The following NTN1 variants were observed in gnomAD, a reference collection of about 807,000 sequenced individuals.
NTN1 encodes the protein netrin-1.
A neutral mutation model predicts 54.2 loss-of-function variants in NTN1; 11 were observed. That is an observed-to-expected ratio of 0.20 (90% confidence interval 0.13 to 0.34). The LOEUF (loss-of-function observed/expected upper bound fraction) is 0.34, where lower values mean the gene tolerates loss of function less well. Ranked by LOEUF, NTN1 falls within the 10% of genes least tolerant of loss-of-function variation. The pLI, the probability that NTN1 is intolerant of heterozygous loss-of-function variation, is 1.00. For missense variants in NTN1, 740 were observed against 893.1 expected (o/e 0.83, Z 2.18); for synonymous variants, 371 against 382.0 (o/e 0.97, Z 0.33).
intron 6 of NTN1, among the ~76,000 whole-genome samples, chr17:9,227,962 T>C (rs1377185601): frequency 2.0e-5 from 3 of 152,032 alleles, no homozygotes. Context: ...ATCACAGCAC[T>C]GCACATCCCG....
chr17:9,152,290 C>T (rs1355048061), intron 2 of NTN1, among the ~76,000 whole-genome samples: 4 of 152,184 alleles, frequency 2.6e-5, no homozygotes, highest in Non-Finnish European at 5.9e-5. Flanking sequence ...TGCTAAATCC[C>T]CCTGCTGTGC....
rs142562615 is a variant in NTN1 at position 9,135,668 on chromosome 17, T to TA, written c.1019-27144dup. Among the ~76,000 whole-genome samples the TA allele has an allele frequency of 5.1e-3, 776 of 152,322 alleles. 3 individuals are homozygous for TA. Among genetic ancestry groups the TA allele is most frequent in the Middle Eastern group, 0.01 (3 of 294 alleles). On this transcript the variant is annotated intron_variant, in intron 2 of 6. Coordinates refer to ENST00000173229, the MANE Select transcript of NTN1 (RefSeq NM_004822.3). This position sits in a 1 kb window ranked among gnomAD's most constrained non-coding sequence, Gnocchi z 4.4. ...GCTTTTTCTGTAGAGACTGGACTCTTACTTCTTCTAAGCTGTTGTCTCATC... is the reference window on the plus strand; with the variant it reads ...GCTTTTTCTGTAGAGACTGGACTCTTAACTTCTTCTAAGCTGTTGTCTCATC...
intron 3 of NTN1, among the ~76,000 whole-genome samples, chr17:9,170,784 T>C (rs12603806): frequency 0.15 from 22,281 of 151,946 alleles, 1,884 homozygotes; most frequent in East Asian, 0.18. Context: ...GCCTCACCTG[T>C]GGCACAGACA....
chr17:9,075,635 G>A (rs2092046867), intron 2 of NTN1, among the ~76,000 whole-genome samples: 1 of 152,238 alleles, frequency 6.6e-6, no homozygotes, highest in African/African-American at 2.4e-5. Context: ...GCCTCTCCAA[G>A]CTCATCGTCA....
intron 2 of NTN1, among the ~76,000 whole-genome samples, chr17:9,138,979 C>G (rs1052240190): frequency 3.9e-5 from 6 of 152,166 alleles, no homozygotes; most frequent in Admixed American, 6.5e-5. Context: ...CACCTAAGAC[C>G]ATTTTCCAGT....
intron 2 of NTN1, among the ~76,000 whole-genome samples, chr17:9,076,935 G>A (rs963125009): frequency 2.0e-5 from 3 of 152,188 alleles, no homozygotes; most frequent in African/African-American, 4.8e-5. Flanking sequence ...CTTGCTAGAC[G>A]GGTTCCCCTG....
intron 2 of NTN1, among the ~76,000 whole-genome samples, chr17:9,152,827 C>T (rs185269649): frequency 6.6e-6 from 1 of 152,286 alleles, no homozygotes; most frequent in East Asian, 1.9e-4. Flanking sequence ...TTCAGAGGGG[C>T]CAAGTGGGCT....
chr17:9,021,513 C>T lies in NTN1; in HGVS notation c.-136C>T, dbSNP rs1360528525. On this transcript the variant is annotated 5_prime_UTR_variant, in exon 1 of 7. Transcript: ENST00000173229. Reference sequence around the variant, plus strand: ...CCCGCGCTCCCCTCCGCCCCTCACTCCCAGCGCGAGTGGCGGCGGCGGCGG... The same window carrying T: ...CCCGCGCTCCCCTCCGCCCCTCACTTCCAGCGCGAGTGGCGGCGGCGGCGG... 5.3e-5 allele frequency: 8 copies of T among 152,192 alleles called. No individual in the cohort carries two copies. The East Asian group carries it at 1.4e-3, about 26-fold the overall frequency. The allele number at this position is 152,192 out of a possible 1,614,324, so 9.4% of individuals were successfully genotyped here. A position where few individuals can be genotyped will look rare whatever the true frequency, so the allele number is the denominator to read the frequency against.
chr17:9,036,524 G>T (rs1028891858), intron 2 of NTN1, among the ~76,000 whole-genome samples: 2 of 151,184 alleles, frequency 1.3e-5, no homozygotes, highest in Non-Finnish European at 2.9e-5. Context: ...GCCTCTCAGA[G>T]TGCTTAGATT....
At chr17:9,104,594 C>G (rs989931831) in intron 2 of NTN1, among the ~76,000 whole-genome samples, 12 of 152,156 alleles carry the variant, frequency 7.9e-5, no homozygotes, top group African/African-American at 2.9e-4. Flanking sequence ...ATAGGGTCAG[C>G]CCTGCTGGGC....
chr17:9,101,046 A>G (rs1401245669), intron 2 of NTN1, among the ~76,000 whole-genome samples: 1 of 152,054 alleles, frequency 6.6e-6, no homozygotes, highest in African/African-American at 2.4e-5. Flanking sequence ...GTATCACCCG[A>G]CATTTTCTCT....
chr17:9,192,601 C>T lies in NTN1; in HGVS notation c.1411+9632C>T, dbSNP rs1383781889. Reference sequence around the variant, plus strand: ...ATCTTGTGTTACGCAGGACAGCTCACGCAACAGAGAAGTACCTGGCCCCAA... The same window carrying T: ...ATCTTGTGTTACGCAGGACAGCTCATGCAACAGAGAAGTACCTGGCCCCAA... On this transcript the variant is annotated intron_variant, in intron 5 of 6. Transcript: ENST00000173229. 5.4e-4 allele frequency among the ~76,000 whole-genome samples: 82 copies of T among 152,078 alleles called. 2 individuals are homozygous for T. Among genetic ancestry groups the T allele is most frequent in the Admixed American group, 5.3e-3 (81 of 15,274 alleles).
At chr17:9,080,702 G>C (rs969941467) in intron 2 of NTN1, among the ~76,000 whole-genome samples, 2 of 152,148 alleles carry the variant, frequency 1.3e-5, no homozygotes, top group East Asian at 3.9e-4. Flanking sequence ...CCCCACCTCC[G>C]GTGAAGCAAG....
At chr17:9,024,511 C>A (rs1265491818) in intron 2 of NTN1, among the ~76,000 whole-genome samples, 2 of 152,182 alleles carry the variant, frequency 1.3e-5, no homozygotes, top group African/African-American at 2.4e-5. Context: ...ATTGCTTTGC[C>A]CCTCTTAGGC....
chr17:9,234,194 C>T (rs1022863135), intron 6 of NTN1, among the ~76,000 whole-genome samples: 2 of 152,202 alleles, frequency 1.3e-5, no homozygotes. Flanking sequence ...GCAAGGGAAG[C>T]CAGTCCTCTT....
chr17:9,134,199 G>T (rs1431190163), intron 2 of NTN1, among the ~76,000 whole-genome samples: 1 of 152,082 alleles, frequency 6.6e-6, no homozygotes, highest in Non-Finnish European at 1.5e-5. Flanking sequence ...CACCACACCT[G>T]GCCCTCATTG....
chr17:9,126,519 AAGAG>A (rs139048465), intron 2 of NTN1, among the ~76,000 whole-genome samples: 66 of 151,254 alleles, frequency 4.4e-4, no homozygotes, highest in Middle Eastern at 6.8e-3. Context: ...CTCAAGAAAA[AAGAG>A]AGAGAGAGAG....
rs150064218 is a variant in NTN1 at position 9,222,916 on chromosome 17, G to A, written c.1486+1674G>A. Among the ~76,000 whole-genome samples, 360 of 152,188 alleles carry A rather than the reference G, an allele frequency of 2.4e-3. 1 individual carries two copies. Among genetic ancestry groups the A allele is most frequent in the South Asian group, 4.4e-3 (21 of 4,816 alleles). On this transcript the variant is annotated intron_variant, in intron 6 of 6. Transcript: ENST00000173229. ...TGTGTGTATGTGAGAGAGTTCATAC[G>A]CACACTCCCTACGCACACACTGAAG... is the stretch of plus-strand genomic sequence containing the variant.
chr17:9,220,798 A>G (rs1020031468), intron 5 of NTN1, among the ~76,000 whole-genome samples: 5 of 151,944 alleles, frequency 3.3e-5, no homozygotes, highest in Non-Finnish European at 5.9e-5. Flanking sequence ...CGGGGTGACA[A>G]TGAGGCCTCT....
Sources: allele counts gnomAD v4.1 joint callset (sites outside exome capture counted in the v4.1 genomes callset), GRCh38; gene constraint gnomAD v4.1.1; non-coding constraint Gnocchi (gnomAD v3.1); transcripts MANE v1.5; gene names NCBI Gene and HGNC (gene_info 2026-07-23, HGNC 2026-07-21).